Variants in DAAM1 observed in about 807,000 individuals in gnomAD.
DAAM1 encodes the protein disheveled-associated activator of morphogenesis 1.
DAAM1 carries 52 observed loss-of-function variants against 130.0 expected under a neutral mutation model. That is an observed-to-expected ratio of 0.40 (90% confidence interval 0.32 to 0.50). DAAM1 has a LOEUF of 0.50. Ranked by LOEUF, DAAM1 falls within the 20% of genes least tolerant of loss-of-function variation. The pLI is 0.61. For missense variants in DAAM1, 1,134 were observed against 1,303.8 expected (o/e 0.87, Z 2.01); for synonymous variants, 452 against 444.5 (o/e 1.02, Z -0.21).
rs373840663 is a variant in DAAM1 at position 59,359,520 on chromosome 14, G to A, written c.2633+16G>A. On this transcript the variant is annotated intron_variant, in intron 21 of 24. Coordinates refer to ENST00000360909, the MANE Select transcript of DAAM1 (RefSeq NM_001270520.2). ...CGAAAGTAAAGTAAGTACTTACAGT[G>A]AGTGTTAGTTTCTTAAATCACTTGG... is the stretch of plus-strand genomic sequence containing the variant. The A allele has an allele frequency of 1.3e-6, 2 of 1,584,966 alleles. No individual in the cohort carries two copies. The highest frequency in any genetic ancestry group is 2.2e-5 in the East Asian group (1 of 44,598).
intron 3 of DAAM1, among the ~76,000 whole-genome samples, chr14:59,310,339 G>A (rs1884539786): frequency 6.6e-6 from 1 of 151,512 alleles, no homozygotes; most frequent in Non-Finnish European, 1.5e-5. Context: ...CACCATATTG[G>A]CCAGGCTGGT....
intron 2 of DAAM1, chr14:59,265,528 G>A (rs1285407143): frequency 6.6e-6 from 1 of 152,316 alleles, no homozygotes; most frequent in Middle Eastern, 3.4e-3. Context: ...TTACCTGTGT[G>A]TGTAATATGT....
intron 15 of DAAM1, among the ~76,000 whole-genome samples, chr14:59,335,844 C>A (rs1257892051): frequency 6.6e-6 from 1 of 152,084 alleles, no homozygotes; most frequent in Non-Finnish European, 1.5e-5. Context: ...TTCAATGATA[C>A]CTTCTGATTT....
chr14:59,291,140 C>A, intron 2 of DAAM1, 77 bp from the exon 3 acceptor site: 1 of 1,190,084 alleles, frequency 8.4e-7, no homozygotes, highest in South Asian at 1.5e-5. Flanking sequence ...TTTTTTTCTT[C>A]CTTGATGATA....
chr14:59,197,737 T>C (rs1324865518), intron 1 of DAAM1, among the ~76,000 whole-genome samples: 8 of 152,206 alleles, frequency 5.3e-5, no homozygotes, highest in Non-Finnish European at 1.2e-4. Context: ...GTTTCTTCCA[T>C]ACCTTACCTT....
chr14:59,315,424 T>C, intron 4 of DAAM1, 73 bp downstream of exon 4: 1 of 1,406,146 alleles, frequency 7.1e-7, no homozygotes, highest in South Asian at 1.2e-5. Flanking sequence ...AGTTGCACAA[T>C]AAATTCGATT....
At chr14:59,320,368 T>A in intron 4 of DAAM1, 122 bp from the exon 5 acceptor site, 8 of 771,118 alleles carry the variant, frequency 1.0e-5, no homozygotes. Flanking sequence ...CTTAACTTAC[T>A]TAATCATAGA....
chr14:59,276,336 A>T (rs1882968017), intron 2 of DAAM1, among the ~76,000 whole-genome samples: 1 of 152,170 alleles, frequency 6.6e-6, no homozygotes, highest in African/African-American at 2.4e-5. Flanking sequence ...ATCTGCCATT[A>T]GCTTCTTCCT....
At chr14:59,298,064 T>G (rs553234281) in intron 3 of DAAM1, among the ~76,000 whole-genome samples, 6 of 152,354 alleles carry the variant, frequency 3.9e-5, no homozygotes, top group African/African-American at 1.4e-4. Flanking sequence ...CCCTCTTACC[T>G]TAAAATAGTT....
At chr14:59,227,653 G>C (rs923214957) in intron 1 of DAAM1, among the ~76,000 whole-genome samples, 1 of 152,130 alleles carries the variant, frequency 6.6e-6, no homozygotes, top group African/African-American at 2.4e-5. Context: ...ACTTTTTCCA[G>C]TTTTCCAGAC....
chr14:59,272,592 ACAAAAT>A lies in DAAM1; in HGVS notation c.183+8933_183+8938del, dbSNP rs151335843. Among the ~76,000 whole-genome samples the A allele has an allele frequency of 1.6e-3, 185 of 113,372 alleles. 2 individuals carry two copies. The highest frequency in any genetic ancestry group is 5.5e-3 in the African/African-American group (125 of 22,690). 74.4% of individuals were successfully genotyped at this position (113,372 alleles called of 152,430 possible). ...ACTGTCTCAAAAAACAAACAAACAAACAAAATATATATATATACACACACACACACA... is the reference window on the plus strand; with the variant it reads ...ACTGTCTCAAAAAACAAACAAACAAAATATATATATACACACACACACACA... On this transcript the variant is annotated intron_variant, in intron 2 of 24. Transcript: ENST00000360909.
intron 16 of DAAM1, among the ~76,000 whole-genome samples, 183 bp from the exon 17 acceptor site, chr14:59,347,356 G>T (rs1376058581): frequency 6.6e-6 from 1 of 152,134 alleles, no homozygotes; most frequent in Non-Finnish European, 1.5e-5. Context: ...ACAAAGCCCT[G>T]AAAGAATGTT....
intron 3 of DAAM1, among the ~76,000 whole-genome samples, chr14:59,313,505 T>C (rs561657138): frequency 1.3e-5 from 2 of 152,360 alleles, no homozygotes; most frequent in African/African-American, 4.8e-5. Context: ...TGGTCTCTCT[T>C]CTGTAACTGT....
At chr14:59,196,849 C>G (rs944183854) in intron 1 of DAAM1, among the ~76,000 whole-genome samples, 1 of 152,244 alleles carries the variant, frequency 6.6e-6, no homozygotes, top group African/African-American at 2.4e-5. Context: ...GCTGCATTCT[C>G]TATTCTTGAA....
intron 23 of DAAM1, 74 bp from the exon 24 acceptor site, chr14:59,367,355 C>CTTTCTCAAGTTATTTATAT: frequency 6.6e-7 from 1 of 1,516,146 alleles, no homozygotes; most frequent in Non-Finnish European, 8.8e-7. Context: ...GGGCTTTGGT[C>CTTTCTCAAGTTATTTATAT]TTTCTCAAGT....
intron 1 of DAAM1, among the ~76,000 whole-genome samples, chr14:59,254,637 G>C (rs1479493829): frequency 3.3e-5 from 5 of 152,128 alleles, no homozygotes. Flanking sequence ...AGGACACTTT[G>C]GGTTTGGCTC....
At chr14:59,198,377 T>C (rs2139388431) in intron 1 of DAAM1, among the ~76,000 whole-genome samples, 1 of 152,140 alleles carries the variant, frequency 6.6e-6, no homozygotes, top group South Asian at 2.1e-4. Flanking sequence ...AGCTAATTTT[T>C]CTATTTTTAG....
chr14:59,292,612 A>C (rs1196452530), intron 3 of DAAM1, among the ~76,000 whole-genome samples: 1 of 152,242 alleles, frequency 6.6e-6, no homozygotes, highest in Non-Finnish European at 1.5e-5. Context: ...CATTGTCATT[A>C]GTGTTACACT....
intron 2 of DAAM1, among the ~76,000 whole-genome samples, chr14:59,284,675 A>G (rs1242537217): frequency 1.5e-5 from 2 of 132,240 alleles, no homozygotes; most frequent in Admixed American, 7.9e-5. Context: ...TCAAAATACA[A>G]TTGGAAGCAT....
Sources: allele counts gnomAD v4.1 joint callset (sites outside exome capture counted in the v4.1 genomes callset), GRCh38; gene constraint gnomAD v4.1.1; transcripts MANE v1.5; gene names NCBI Gene and HGNC (gene_info 2026-07-23, HGNC 2026-07-21).